Variants in STXBP3 observed in about 807,000 individuals in gnomAD.
STXBP3 encodes syntaxin-binding protein 3.
STXBP3 carries 41 observed loss-of-function variants against 85.7 expected under a neutral mutation model. That is an observed-to-expected ratio of 0.48 (90% confidence interval 0.37 to 0.62). STXBP3 has a LOEUF of 0.62. STXBP3 is among the 20% of genes least tolerant of loss of function. The pLI, the probability that STXBP3 is intolerant of heterozygous loss-of-function variation, is 0.00. For synonymous variants in STXBP3, 229 were observed against 231.7 expected (o/e 0.99, Z 0.10); for missense variants, 563 against 703.1 (o/e 0.80, Z 2.25).
chr1:108,752,201 G>T lies in STXBP3; in HGVS notation c.50-56G>T, dbSNP rs986934041. ...TTCCTTAGCCATTTTGGACCCTTTG[G>T]ATTACTATGTTTCTGTTTATTTAAT... On this transcript the variant is annotated intron_variant, in intron 1 of 18. Coordinates refer to ENST00000370008, the MANE Select transcript of STXBP3 (RefSeq NM_007269.4). 2.6e-5 allele frequency: 39 copies of T among 1,523,434 alleles called. No homozygotes were observed. The African/African-American group carries it at 4.7e-4, about 18-fold the overall frequency. 94.4% of individuals were successfully genotyped at this position (1,523,434 alleles called of 1,614,324 possible). A position where few individuals can be genotyped will look rare whatever the true frequency, so the allele number is the denominator to read the frequency against.
chr1:108,792,913 T>C (rs1295818902), intron 11 of STXBP3, among the ~76,000 whole-genome samples: 4 of 152,196 alleles, frequency 2.6e-5, no homozygotes, highest in Non-Finnish European at 5.9e-5. Context: ...GTCTCTTTAC[T>C]TTGTCTAGAT....
At chr1:108,784,858 C>T (rs1662792158) in intron 11 of STXBP3, among the ~76,000 whole-genome samples, 1 of 152,208 alleles carries the variant, frequency 6.6e-6, no homozygotes, top group African/African-American at 2.4e-5. Context: ...AGGCCCCATG[C>T]AGGTCCAAAA....
chr1:108,765,890 G>A (rs1479373537), intron 6 of STXBP3, among the ~76,000 whole-genome samples: 1 of 106,428 alleles, frequency 9.4e-6, no homozygotes, highest in East Asian at 2.8e-4. Context: ...TTCTCACTCT[G>A]TCACCAGGCT....
chr1:108,770,878 C>T (rs1344488212), intron 6 of STXBP3, among the ~76,000 whole-genome samples: 5 of 152,016 alleles, frequency 3.3e-5, no homozygotes, highest in African/African-American at 7.3e-5. Context: ...GCTGTACATA[C>T]GTACAGTAAG....
intron 11 of STXBP3, among the ~76,000 whole-genome samples, chr1:108,786,997 G>A (rs1022260096): frequency 5.9e-5 from 9 of 151,704 alleles, no homozygotes; most frequent in African/African-American, 1.5e-4. Context: ...TTTATTTCTA[G>A]GTATTTGATT....
intron 15 of STXBP3, 30 bp from the exon 16 acceptor site, chr1:108,798,114 GT>G (rs2101134490): frequency 6.6e-7 from 1 of 1,521,396 alleles, no homozygotes; most frequent in Non-Finnish European, 9.0e-7. Context: ...AGAATTACTG[GT>G]TTTTAATTTT....
At chr1:108,770,374 C>A (rs1242200374) in intron 6 of STXBP3, among the ~76,000 whole-genome samples, 1 of 152,092 alleles carries the variant, frequency 6.6e-6, no homozygotes, top group Non-Finnish European at 1.5e-5. Context: ...AAGCCTTGGG[C>A]GGCCGTGCGA....
At chr1:108,796,199 T>G in intron 13 of STXBP3, 35 bp from the exon 14 acceptor site, 1 of 1,596,444 alleles carries the variant, frequency 6.3e-7, no homozygotes, top group Non-Finnish European at 8.5e-7. Flanking sequence ...TGAATTTTGG[T>G]TATAGATCAC....
At chr1:108,769,103 A>G (rs991860830) in intron 6 of STXBP3, among the ~76,000 whole-genome samples, 3 of 139,864 alleles carry the variant, frequency 2.1e-5, no homozygotes, top group African/African-American at 5.3e-5. Flanking sequence ...ATATTTTAAT[A>G]TTGTTTTTAC....
intron 7 of STXBP3, among the ~76,000 whole-genome samples, chr1:108,773,365 C>G (rs996595856): frequency 7.7e-4 from 117 of 152,228 alleles, no homozygotes; most frequent in African/African-American, 2.7e-3. Context: ...TTGATAGGTT[C>G]TTGTTAACTG....
intron 18 of STXBP3, 104 bp downstream of exon 18, chr1:108,807,653 C>T (rs533906207): frequency 2.1e-5 from 24 of 1,135,426 alleles, no homozygotes; most frequent in East Asian, 8.1e-5. Flanking sequence ...CTTGGCTCAC[C>T]GCAACCTCCG....
At chr1:108,776,837 T>G (rs1662604463) in intron 8 of STXBP3, among the ~76,000 whole-genome samples, 1 of 152,230 alleles carries the variant, frequency 6.6e-6, no homozygotes, top group African/African-American at 2.4e-5. Context: ...TGTAAACATT[T>G]AATAAATGTA....
At position 108,752,241 on chromosome 1, in the gene STXBP3, T is replaced by C; in HGVS notation, c.50-16T>C. The C allele has an allele frequency of 6.2e-7, 1 of 1,601,290 alleles. No individual in the cohort carries two copies. The highest frequency in any genetic ancestry group is 8.5e-7 in the Non-Finnish European group (1 of 1,173,908). On this transcript the variant is annotated splice_polypyrimidine_tract_variant and intron_variant, in intron 1 of 18. Transcript: ENST00000370008. ...GTTTATTTAATTCCTAAGTAATTCCTTTCTTTTTTAAACAGAGATAAAAGC... is the reference window on the plus strand; with the variant it reads ...GTTTATTTAATTCCTAAGTAATTCCCTTCTTTTTTAAACAGAGATAAAAGC...
chr1:108,773,090 TCA>T (rs1326257369), intron 7 of STXBP3, among the ~76,000 whole-genome samples: 1 of 152,180 alleles, frequency 6.6e-6, no homozygotes, highest in Non-Finnish European at 1.5e-5. Context: ...GTCTTTATAG[TCA>T]CATAGGGAAT....
chr1:108,803,624 G>A (rs1415838799), intron 17 of STXBP3, among the ~76,000 whole-genome samples: 1 of 152,166 alleles, frequency 6.6e-6, no homozygotes, highest in Non-Finnish European at 1.5e-5. Flanking sequence ...GACTAGCTGG[G>A]ATTACAGATG....
chr1:108,779,377 A>G lies in STXBP3; in HGVS notation c.776A>G (p.Tyr259Cys). 1 of 1,612,882 alleles carries G rather than the reference A, an allele frequency of 6.2e-7. No homozygotes were observed. The highest frequency in any genetic ancestry group is 8.5e-7 in the Non-Finnish European group (1 of 1,179,268). ...GAACTGACCTTTCAGGCAATGGCAT[A>G]TGATCTACTACCAATTGAGAATGAT... ...LHELTFQAMA[Y>C]DLLPIENDTY... Residue 259 changes from tyrosine (Y) to cysteine (C), a missense_variant, in exon 9 of 19, where the codon TAT becomes TGT. By Grantham distance (194) the Tyr-to-Cys change is radical (BLOSUM62 -2). Transcript: ENST00000370008.
chr1:108,800,252 A>G lies in STXBP3; in HGVS notation c.1482A>G (p.Glu494=). The G allele has an allele frequency of 6.2e-7, 1 of 1,612,390 alleles. No homozygotes were observed. The highest frequency in any genetic ancestry group is 8.5e-7 in the Non-Finnish European group (1 of 1,178,588). The change falls in exon 17 of 19, where the codon GAA becomes GAG. Residue 494 remains glutamate (E), a synonymous_variant. Transcript: ENST00000370008. The part of the protein sequence containing the change: ...DAIDNRLDSK[E]WPYCSQCPAV... The stretch of plus-strand genomic sequence containing the variant: ...TTGATAATAGATTAGATTCAAAAGA[A>G]TGGCCATATTGTTCCCAGTGTCCAG...
intron 11 of STXBP3, among the ~76,000 whole-genome samples, chr1:108,786,110 G>A (rs1479321634): frequency 1.3e-5 from 2 of 152,096 alleles, no homozygotes; most frequent in Non-Finnish European, 2.9e-5. Context: ...CCATTCTCAC[G>A]CTTTTATGAA....
intron 6 of STXBP3, among the ~76,000 whole-genome samples, chr1:108,765,257 A>G (rs1377336431): frequency 1.3e-5 from 2 of 152,210 alleles, no homozygotes; most frequent in African/African-American, 4.8e-5. Context: ...TACCAGTGTC[A>G]TGTTGCAAAA....
Sources: allele counts gnomAD v4.1 joint callset (sites outside exome capture counted in the v4.1 genomes callset), GRCh38; gene constraint gnomAD v4.1.1; transcripts MANE v1.5; gene names NCBI Gene and HGNC (gene_info 2026-07-23, HGNC 2026-07-21).